Variants in ACTN4 observed in about 807,000 individuals in gnomAD.
ACTN4 encodes actinin alpha 4, also known as alpha-actinin-4.
Under a neutral mutation model 114.2 loss-of-function variants are expected in ACTN4, and 18 were observed. That is an observed-to-expected ratio of 0.16 (90% CI 0.11 to 0.23). ACTN4 has a LOEUF of 0.23. Ranked by LOEUF, ACTN4 falls within the 10% of genes least tolerant of loss-of-function variation. ACTN4 has a pLI of 1.00. For synonymous variants in ACTN4, 515 were observed against 506.3 expected (o/e 1.02, Z -0.23); for missense variants, 722 against 1,262.9 (o/e 0.57, Z 6.49).
chr19:38,699,235 C>T (rs1485209020), intron 1 of ACTN4, among the ~76,000 whole-genome samples: 2 of 152,176 alleles, frequency 1.3e-5, no homozygotes, highest in African/African-American at 4.8e-5. Flanking sequence ...GCTGAGTAGC[C>T]GGGCACCACC....
chr19:38,658,984 C>A, intron 1 of ACTN4, among the ~76,000 whole-genome samples: 1 of 151,968 alleles, frequency 6.6e-6, no homozygotes, highest in African/African-American at 2.4e-5. Context: ...ATACCTAGAC[C>A]GGTTAGGGGA....
At chr19:38,669,324 T>C (rs1363926473) in intron 1 of ACTN4, among the ~76,000 whole-genome samples, 1 of 152,138 alleles carries the variant, frequency 6.6e-6, no homozygotes, top group Non-Finnish European at 1.5e-5. Flanking sequence ...TTGGGGCATG[T>C]TGCTGGAAAG....
rs760897447 is a variant in ACTN4 at position 38,714,490 on chromosome 19, A to G, written c.841A>G (p.Ile281Val). Reference protein sequence around the residue: ...AQKAETAANRICKVLAVNQEN... With the variant: ...AQKAETAANRVCKVLAVNQEN... ...CCAGGCTGAAACTGCCGCCAACCGGATCTGTAAGGTGCTGGCTGTCAACCA... is the reference window on the plus strand; with the variant it reads ...CCAGGCTGAAACTGCCGCCAACCGGGTCTGTAAGGTGCTGGCTGTCAACCA... Residue 281 changes from isoleucine (I) to valine (V), a missense_variant, in exon 9 of 21, where the codon ATC becomes GTC. By Grantham distance (29) the Ile-to-Val change is conservative. Coordinates refer to ENST00000252699, the MANE Select transcript of ACTN4 (RefSeq NM_004924.6). 6.2e-7 allele frequency: 1 copy of G among 1,613,718 alleles called. No homozygotes were observed.
intron 1 of ACTN4, among the ~76,000 whole-genome samples, chr19:38,668,505 G>A (rs556324430): frequency 6.6e-6 from 1 of 152,248 alleles, no homozygotes; most frequent in African/African-American, 2.4e-5. Context: ...GGCCAACATG[G>A]TGATACCCCG....
chr19:38,656,602 T>C (rs1976717719), intron 1 of ACTN4, among the ~76,000 whole-genome samples: 1 of 152,230 alleles, frequency 6.6e-6, no homozygotes, highest in Non-Finnish European at 1.5e-5. Flanking sequence ...GCAGAAGTAG[T>C]TGGAAGCGGC....
chr19:38,687,445 C>T (rs551477056), intron 1 of ACTN4, among the ~76,000 whole-genome samples: 17 of 152,314 alleles, frequency 1.1e-4, no homozygotes, highest in African/African-American at 4.1e-4. Flanking sequence ...TGGTGAAATT[C>T]AGGTATTTTT....
At chr19:38,713,599 CT>C (rs1968738796) in intron 8 of ACTN4, among the ~76,000 whole-genome samples, 1 of 152,202 alleles carries the variant, frequency 6.6e-6, no homozygotes, top group Non-Finnish European at 1.5e-5. Flanking sequence ...GCCTCCCCGC[CT>C]GTCTCCAGGT....
intron 1 of ACTN4, among the ~76,000 whole-genome samples, chr19:38,691,638 C>CA (rs1967934413): frequency 6.6e-6 from 1 of 152,090 alleles, no homozygotes; most frequent in Non-Finnish European, 1.5e-5. Context: ...CGCGGTGGCT[C>CA]ACGCCTGTAA....
chr19:38,675,509 C>T (rs558978936), intron 1 of ACTN4, among the ~76,000 whole-genome samples: 1 of 152,380 alleles, frequency 6.6e-6, no homozygotes, highest in Admixed American at 6.5e-5. Context: ...GTTAGGATTA[C>T]AGGCGTGAGC....
rs576992878 is a variant in ACTN4, at chr19:38,724,291, C to T, written c.1827C>T (p.Asn609=). The T allele has an allele frequency of 3.1e-6, 5 of 1,613,916 alleles. No homozygotes were observed. The change falls in exon 15 of 21, where the codon AAC becomes AAT. Residue 609 remains asparagine (N), a synonymous_variant. Transcript: ENST00000252699. The surrounding 1 kb of genome is among the most constrained non-coding windows in gnomAD (Gnocchi z 7.0). Reference sequence around the variant, plus strand: ...ACCACATCAAGCTGTCGGGCAGCAACCCCTACACCACCGTCACCCCGCAAA... The same window carrying T: ...ACCACATCAAGCTGTCGGGCAGCAATCCCTACACCACCGTCACCCCGCAAA... ...ESNHIKLSGS[N]PYTTVTPQII...
At chr19:38,680,078 C>T (rs1967507359) in intron 1 of ACTN4, among the ~76,000 whole-genome samples, 1 of 152,116 alleles carries the variant, frequency 6.6e-6, no homozygotes, top group Non-Finnish European at 1.5e-5. Flanking sequence ...TCCTGACTCA[C>T]TCACCACGCT....
At chr19:38,688,384 C>G (rs1010085755) in intron 1 of ACTN4, among the ~76,000 whole-genome samples, 1 of 100,438 alleles carries the variant, frequency 1.0e-5, no homozygotes, top group African/African-American at 3.4e-5. Context: ...GAAACCTTGT[C>G]TCTACCAAAA....
chr19:38,715,427 G>A (rs553003126), intron 9 of ACTN4, among the ~76,000 whole-genome samples: 37 of 152,252 alleles, frequency 2.4e-4, no homozygotes, highest in African/African-American at 8.7e-4. Context: ...AGCCTGGGAG[G>A]CAGAGGTTGC....
chr19:38,647,957 C>G, intron 1 of ACTN4, 50 bp downstream of exon 1: 1 of 1,400,868 alleles, frequency 7.1e-7, no homozygotes, highest in South Asian at 1.5e-5. Flanking sequence ...CTGAGGGGGC[C>G]CGGGGAGGGG....
intron 8 of ACTN4, among the ~76,000 whole-genome samples, chr19:38,713,697 A>G (rs1968743107): frequency 6.6e-6 from 1 of 152,046 alleles, no homozygotes; most frequent in Non-Finnish European, 1.5e-5. Context: ...TTCCTTCCCC[A>G]TCACTCTGTA....
chr19:38,717,019 TG>T lies in ACTN4; in HGVS notation c.913-61del. On this transcript the variant is annotated intron_variant, in intron 9 of 20. Transcript: ENST00000252699. The surrounding 1 kb of genome is among the most constrained non-coding windows in gnomAD (Gnocchi z 4.0). Reference sequence around the variant, plus strand: ...ATCCAGATCCCATGTGCCCATAAGCTGGGGGGCAGCCCGTCAGCACTCTGAG... The same window carrying T: ...ATCCAGATCCCATGTGCCCATAAGCTGGGGGCAGCCCGTCAGCACTCTGAG... 2.6e-6 allele frequency: 4 copies of T among 1,520,244 alleles called. No homozygotes were observed. The highest frequency in any genetic ancestry group is 2.7e-6 in the Non-Finnish European group (3 of 1,117,508). The allele number at this position is 1,520,244 out of a possible 1,614,324, so 94.2% of individuals were successfully genotyped here.
At chr19:38,673,708 T>C (rs1477976310) in intron 1 of ACTN4, among the ~76,000 whole-genome samples, 1 of 88,602 alleles carries the variant, frequency 1.1e-5, no homozygotes, top group Admixed American at 1.5e-4. Flanking sequence ...TATTTATATA[T>C]TTATATATTT....
Position 38,710,333 on chromosome 19 carries a change from A to G in ACTN4, c.810A>G (p.Gly270=). 1 of 1,613,792 alleles carries G rather than the reference A, an allele frequency of 6.2e-7. No homozygotes were observed. The highest frequency in any genetic ancestry group is 8.5e-7 in the Non-Finnish European group (1 of 1,179,982). The change falls in exon 8 of 21, where the codon GGA becomes GGG. Residue 270 remains glycine, a synonymous_variant. Transcript: ENST00000252699. ...YVSSFYHAFS[G]AQKAETAANR... is the part of the protein sequence containing the mutation. ...CCAGCTTCTACCATGCCTTTTCAGG[A>G]GCGCAGAAGGTACCGAGCAGGGCCA...
chr19:38,707,680 A>G (rs12975256), intron 5 of ACTN4, among the ~76,000 whole-genome samples: 8,615 of 152,160 alleles, frequency 0.057, 260 homozygotes, highest in South Asian at 0.096. Flanking sequence ...CACAGCACAA[A>G]CACCAGCATC....
Sources: allele counts gnomAD v4.1 joint callset (sites outside exome capture counted in the v4.1 genomes callset), GRCh38; gene constraint gnomAD v4.1.1; non-coding constraint Gnocchi (gnomAD v3.1); transcripts MANE v1.5; gene names NCBI Gene and HGNC (gene_info 2026-07-23, HGNC 2026-07-21).